The following COLQ variants were observed in gnomAD, a reference collection of about 807,000 sequenced individuals.
COLQ encodes the protein acetylcholinesterase collagenic tail peptide.
In COLQ, 48 loss-of-function variants were observed where a neutral mutation model predicts 69.0. The observed-to-expected ratio is 0.70, with a 90% CI of 0.55 to 0.88. The LOEUF (loss-of-function observed/expected upper bound fraction) is 0.88, where lower values mean the gene tolerates loss of function less well. Ranked by LOEUF, COLQ falls within the 40% of genes least tolerant of loss-of-function variation. The probability of loss-of-function intolerance (pLI) is 0.00; values close to 1 mark genes in which losing one functional copy is unlikely to be tolerated. For synonymous variants in COLQ, 217 were observed against 211.2 expected, an observed-to-expected ratio of 1.03 and a Z score of -0.24; for missense variants, 618 against 594.6, an observed-to-expected ratio of 1.04 and a Z score of -0.41.
At chr3:15,474,325 T>C in intron 8 of COLQ, 53 bp from the exon 9 acceptor site, 1 of 1,586,060 alleles carries the variant, frequency 6.3e-7, no homozygotes, top group Non-Finnish European at 8.7e-7. Context: ...GGGAGGGAAA[T>C]TCAAGCATTT....
intron 12 of COLQ, among the ~76,000 whole-genome samples, chr3:15,459,001 A>G (rs1163920442): frequency 6.6e-6 from 1 of 151,778 alleles, no homozygotes; most frequent in Non-Finnish European, 1.5e-5. Context: ...GTGCCACCAC[A>G]CCAGGCTAAT....
At chr3:15,477,037 CCTGA>C in intron 6 of COLQ, 85 bp downstream of exon 6, 2 of 1,264,076 alleles carry the variant, frequency 1.6e-6, no homozygotes, top group Non-Finnish European at 2.3e-6. Flanking sequence ...GAAGGGATTC[CCTGA>C]CTATGTGCCA....
intron 1 of COLQ, among the ~76,000 whole-genome samples, chr3:15,500,482 C>A (rs1171771117): frequency 6.6e-6 from 1 of 152,116 alleles, no homozygotes; most frequent in African/African-American, 2.4e-5. Context: ...CAAACTTTTT[C>A]TAAAAAGGTT....
rs752905204 is a variant in COLQ, at chr3:15,458,271, C to T, written c.869G>A (p.Arg290Lys). The change falls in exon 13 of 17, where the codon AGA becomes AAA. Residue 290 changes from arginine to lysine, a missense_variant. Coordinates refer to ENST00000383788, the MANE Select transcript of COLQ (RefSeq NM_005677.4). ...GERGFPGPPG[R>K]CLCGPTMNVN... ...ATTCATAGTGGGTCCACAAAGACAT[C>T]TTCCTGGAGGCCCGGGAAATCCTCT... is the stretch of plus-strand genomic sequence containing the variant. The T allele has an allele frequency of 6.2e-6, 10 of 1,614,190 alleles. No individual in the cohort carries two copies. The East Asian group carries it at 1.6e-4, about 25-fold the overall frequency.
intron 4 of COLQ, 118 bp from the exon 5 acceptor site, chr3:15,479,121 C>T (rs1461434239): frequency 6.1e-6 from 8 of 1,304,256 alleles, no homozygotes; most frequent in Non-Finnish European, 8.9e-6. Context: ...TTGGCTGCTG[C>T]TCACGGCCCC....
intron 1 of COLQ, chr3:15,498,530 A>T (rs1405421560): frequency 1.3e-6 from 2 of 1,551,864 alleles, no homozygotes; most frequent in Non-Finnish European, 1.7e-6. Flanking sequence ...CCTGCCGAGT[A>T]ACAGAGCAGT....
At chr3:15,453,981 G>A in intron 15 of COLQ, 50 bp from the exon 16 acceptor site, 2 of 1,293,928 alleles carry the variant, frequency 1.5e-6, no homozygotes, top group Non-Finnish European at 2.2e-6. Flanking sequence ...GAGGCGATAG[G>A]CTTGCCTCAG....
chr3:15,469,428 T>C (rs2125108128), intron 11 of COLQ, among the ~76,000 whole-genome samples: 1 of 152,322 alleles, frequency 6.6e-6, no homozygotes, highest in South Asian at 2.1e-4. Flanking sequence ...TATCTGAGCC[T>C]ACTTTTAAGA....
chr3:15,451,810 T>C, intron 16 of COLQ, 97 bp from the exon 17 acceptor site: 6 of 1,025,274 alleles, frequency 5.9e-6, no homozygotes, highest in South Asian at 5.1e-5. Flanking sequence ...CCAATGGCTC[T>C]ACAAGAACTT....
At chr3:15,517,571 T>C (rs2063079415) in intron 1 of COLQ, among the ~76,000 whole-genome samples, 1 of 152,092 alleles carries the variant, frequency 6.6e-6, no homozygotes, top group Admixed American at 6.5e-5. Context: ...CATAAGTGAG[T>C]CCAGCCAGGG....
chr3:15,492,680 A>T (rs988802803), intron 1 of COLQ, among the ~76,000 whole-genome samples: 26 of 149,098 alleles, frequency 1.7e-4, no homozygotes, highest in Non-Finnish European at 1.5e-5. Flanking sequence ...AAAAAAAAAA[A>T]TGCTGTGTAA....
At chr3:15,492,495 T>A (rs1237296581) in intron 1 of COLQ, among the ~76,000 whole-genome samples, 1 of 152,034 alleles carries the variant, frequency 6.6e-6, no homozygotes, top group Non-Finnish European at 1.5e-5. Flanking sequence ...TGAAACCCCG[T>A]CTCTACTAAA....
intron 3 of COLQ, among the ~76,000 whole-genome samples, chr3:15,485,695 T>C (rs959241521): frequency 2.0e-5 from 3 of 152,318 alleles, no homozygotes; most frequent in African/African-American, 7.2e-5. Context: ...GGGTGGCTTA[T>C]GCCTATAATC....
At chr3:15,498,276 C>T (rs907548063) in intron 1 of COLQ, among the ~76,000 whole-genome samples, 4 of 152,166 alleles carry the variant, frequency 2.6e-5, no homozygotes, top group African/African-American at 9.7e-5. Context: ...CAGGTCCCCA[C>T]CAACTCTACT....
At chr3:15,494,439 G>A (rs1427215188) in intron 1 of COLQ, among the ~76,000 whole-genome samples, 6 of 152,186 alleles carry the variant, frequency 3.9e-5, no homozygotes, top group Admixed American at 3.9e-4. Context: ...GTCAGAGTTT[G>A]AGAAAGAAAA....
chr3:15,475,482 T>G lies in COLQ; in HGVS notation c.471A>C (p.Glu157Asp). ...GWPGPEGPRG[E>D]KGDLGMMGLP... is the part of the protein sequence containing the mutation. Reference sequence around the variant, plus strand: ...AGCCCATCATACCCAGGTCACCTTTTTCACCCTGTGGGAATTAGAAGAAGA... The same window carrying G: ...AGCCCATCATACCCAGGTCACCTTTGTCACCCTGTGGGAATTAGAAGAAGA... Residue 157 changes from glutamate to aspartate, a missense_variant, in exon 7 of 17, where the codon GAA (glutamate) becomes GAC (aspartate). By Grantham distance (45) the Glu-to-Asp change is conservative (BLOSUM62 2). Transcript: ENST00000383788. The G allele has an allele frequency of 4.4e-6, 7 of 1,597,296 alleles. No individual in the cohort carries two copies. Among genetic ancestry groups the G allele is most frequent in the Non-Finnish European group, 6.0e-6 (7 of 1,170,658 alleles).
intron 14 of COLQ, 125 bp downstream of exon 14, chr3:15,456,335 C>T: frequency 1.5e-6 from 2 of 1,303,620 alleles, no homozygotes; most frequent in Non-Finnish European, 2.1e-6. Flanking sequence ...GGATGCTCAG[C>T]CCTCCCATGC....
chr3:15,504,635 G>C (rs1400058138), intron 1 of COLQ, among the ~76,000 whole-genome samples: 1 of 152,214 alleles, frequency 6.6e-6, no homozygotes, highest in Non-Finnish European at 1.5e-5. Flanking sequence ...GAGGCAGGTA[G>C]ATCACTTGAG....
intron 1 of COLQ, among the ~76,000 whole-genome samples, chr3:15,512,616 T>G (rs376294484): frequency 1.3e-5 from 2 of 152,208 alleles, no homozygotes; most frequent in East Asian, 1.9e-4. Context: ...CTGGGTTGTA[T>G]TTGGGATTTT....
Sources: gnomAD v4.1 joint callset for allele counts (sites outside exome capture counted in the v4.1 genomes callset) on GRCh38, gnomAD v4.1.1 for gene constraint, MANE v1.5 for transcripts, NCBI Gene and HGNC (gene_info 2026-07-23, HGNC 2026-07-21) for gene names.